Variants in PPHLN1 observed in about 807,000 individuals in gnomAD.
The protein encoded by PPHLN1 is periphilin-1.
Under a neutral mutation model 51.3 loss-of-function variants are expected in PPHLN1, and 29 were observed. The ratio of observed to expected loss-of-function variants is 0.57; its 90% CI spans 0.42 to 0.77. PPHLN1 has a LOEUF of 0.77. Among genes scored for constraint, PPHLN1 ranks in the 30% least tolerant of loss-of-function variants. PPHLN1 has a pLI of 0.00. For missense variants in PPHLN1, 436 were observed against 438.4 expected (o/e 0.99, Z 0.05); for synonymous variants, 147 against 147.8 (o/e 0.99, Z 0.04).
intron 4 of PPHLN1, among the ~76,000 whole-genome samples, chr12:42,367,156 T>C (rs1190171533): frequency 6.6e-6 from 1 of 152,208 alleles, no homozygotes; most frequent in African/African-American, 2.4e-5. Flanking sequence ...AAAGGAGAGA[T>C]TATAAAAGAA....
intron 9 of PPHLN1, among the ~76,000 whole-genome samples, chr12:42,428,259 G>T (rs2081676022): frequency 6.6e-6 from 1 of 152,154 alleles, no homozygotes; most frequent in African/African-American, 2.4e-5. Context: ...CCACTACTGG[G>T]TATCTACCCA....
downstream of PPHLN1, chr12:42,445,488 T>A: frequency 4.6e-6 from 1 of 216,356 alleles, no homozygotes; most frequent in South Asian, 8.3e-5. Context: ...CGTTGACACC[T>A]ATTCTCACCT....
chr12:42,421,071 G>A (rs2080964251), intron 9 of PPHLN1, among the ~76,000 whole-genome samples: 1 of 152,038 alleles, frequency 6.6e-6, no homozygotes, highest in African/African-American at 2.4e-5. Context: ...CAGTTGGTTA[G>A]GATGATCAAA....
intron 8 of PPHLN1, 27 bp from the exon 9 acceptor site, chr12:42,398,827 A>G: frequency 6.2e-7 from 1 of 1,608,268 alleles, no homozygotes; most frequent in African/African-American, 1.3e-5. Context: ...TAAGAAAATA[A>G]TTAAAGATTT....
intron 5 of PPHLN1, among the ~76,000 whole-genome samples, chr12:42,375,545 C>T (rs1405176629): frequency 1.3e-5 from 2 of 152,070 alleles, no homozygotes; most frequent in East Asian, 1.9e-4. Flanking sequence ...CTCCTGATCT[C>T]GTGATCCGCC....
chr12:42,446,682 CA>C, downstream of PPHLN1: 1 of 1,555,924 alleles, frequency 6.4e-7, no homozygotes, highest in Non-Finnish European at 8.7e-7. Flanking sequence ...AAACCTGATG[CA>C]AAAAACAGAA....
chr12:42,346,585 CG>C (rs1218367938), intron 2 of PPHLN1, among the ~76,000 whole-genome samples: 1 of 152,140 alleles, frequency 6.6e-6, no homozygotes, highest in East Asian at 1.9e-4. Context: ...GTGATTTCAT[CG>C]CCTTTGGGTA....
intron 5 of PPHLN1, among the ~76,000 whole-genome samples, chr12:42,377,822 T>C (rs577072308): frequency 8.5e-5 from 13 of 152,216 alleles, no homozygotes; most frequent in Admixed American, 6.5e-4. Flanking sequence ...AACAGAAATT[T>C]TGGGGGCGAG....
intron 4 of PPHLN1, among the ~76,000 whole-genome samples, chr12:42,358,784 A>T (rs2138383755): frequency 6.6e-6 from 1 of 152,326 alleles, no homozygotes; most frequent in South Asian, 2.1e-4. Context: ...CTCTGTTTAC[A>T]GTACAAAACA....
intron 9 of PPHLN1, among the ~76,000 whole-genome samples, chr12:42,439,578 G>A (rs2082767563): frequency 6.6e-6 from 1 of 152,212 alleles, no homozygotes; most frequent in Non-Finnish European, 1.5e-5. Context: ...GCAGTGGCAC[G>A]ATCTCGGCTC....
chr12:42,370,612 AT>A (rs1241621772), intron 4 of PPHLN1, among the ~76,000 whole-genome samples: 1 of 151,942 alleles, frequency 6.6e-6, no homozygotes, highest in Non-Finnish European at 1.5e-5. Context: ...TTCCCCTTTT[AT>A]AGTGAATTGG....
intron 9 of PPHLN1, among the ~76,000 whole-genome samples, chr12:42,401,244 T>C (rs1331972084): frequency 6.6e-6 from 1 of 152,176 alleles, no homozygotes; most frequent in Non-Finnish European, 1.5e-5. Context: ...CTCTTCAAAT[T>C]ACAAAAACTT....
At chr12:42,355,100 A>G in intron 3 of PPHLN1, 61 bp from the exon 4 acceptor site, 2 of 1,477,722 alleles carry the variant, frequency 1.4e-6, no homozygotes, top group African/African-American at 1.4e-5. Flanking sequence ...GTATTGTTAG[A>G]TATGTCCCAC....
intron 5 of PPHLN1, among the ~76,000 whole-genome samples, chr12:42,381,870 G>A (rs2076784409): frequency 6.6e-6 from 1 of 152,178 alleles, no homozygotes; most frequent in Admixed American, 6.5e-5. Context: ...CTGTGTTGGT[G>A]AAGTTTGTTT....
chr12:42,437,213 C>T (rs1299230275), intron 9 of PPHLN1, among the ~76,000 whole-genome samples: 1 of 152,156 alleles, frequency 6.6e-6, no homozygotes, highest in East Asian at 1.9e-4. Context: ...TAGTATTTCC[C>T]CCAAACACCG....
chr12:42,437,845 C>T (rs1315850590), intron 9 of PPHLN1, among the ~76,000 whole-genome samples: 1 of 152,200 alleles, frequency 6.6e-6, no homozygotes. Context: ...CTGTTTGTCC[C>T]TTCCACTTTC....
intron 9 of PPHLN1, among the ~76,000 whole-genome samples, chr12:42,439,694 G>C (rs1325202959): frequency 1.3e-5 from 2 of 152,230 alleles, no homozygotes; most frequent in South Asian, 4.2e-4. Context: ...TGTATTTTTA[G>C]TAGAGACAGC....
At chr12:42,332,038 G>C (rs138903391) in intron 1 of PPHLN1, among the ~76,000 whole-genome samples, 1 of 152,208 alleles carries the variant, frequency 6.6e-6, no homozygotes, top group East Asian at 1.9e-4. Flanking sequence ...GTAAGACCAT[G>C]ACTTGATAAA....
chr12:42,352,130 C>A (rs1178357286), intron 3 of PPHLN1, 81 bp downstream of exon 3: 1 of 1,247,684 alleles, frequency 8.0e-7, no homozygotes, highest in Non-Finnish European at 1.0e-6. Flanking sequence ...ATGTGACGGC[C>A]GTGAAAGCAG....
Sources: gnomAD v4.1 joint callset for allele counts (sites outside exome capture counted in the v4.1 genomes callset) on GRCh38, gnomAD v4.1.1 for gene constraint, MANE v1.5 for transcripts, NCBI Gene and HGNC (gene_info 2026-07-23, HGNC 2026-07-21) for gene names.